The following MGA variants were observed in gnomAD, a reference collection of about 807,000 sequenced individuals.
The protein encoded by MGA is MAX dimerization protein MGA, also known as MAX gene-associated protein.
In MGA, 40 loss-of-function variants were observed where a neutral mutation model predicts 261.1. The observed-to-expected ratio is 0.15, with a 90% CI of 0.12 to 0.20. MGA has a LOEUF of 0.20. Ranked by LOEUF, MGA falls within the 10% of genes least tolerant of loss-of-function variation. MGA has a pLI of 1.00. For missense variants in MGA, 3,397 were observed against 3,630.5 expected, an observed-to-expected ratio of 0.94 and a Z score of 1.65; for synonymous variants, 1,302 against 1,290.6, an observed-to-expected ratio of 1.01 and a Z score of -0.19.
At chr15:41,659,952 G>A (rs2057297123), upstream of MGA, among the ~76,000 whole-genome samples, 1 of 152,242 alleles carries the variant, frequency 6.6e-6, no homozygotes, top group Admixed American at 6.5e-5. Context: ...CCAAGCCCCG[G>A]TACTCCGGGG....
At chr15:41,656,059 T>C (rs996291805), upstream of MGA, among the ~76,000 whole-genome samples, 38 of 152,192 alleles carry the variant, frequency 2.5e-4, no homozygotes, top group African/African-American at 9.2e-4. Context: ...GGAAGACATA[T>C]TAATACGTGG....
rs2063497205 is a variant in MGA at position 41,762,186 on chromosome 15, C to T, written c.7568C>T (p.Ala2523Val). The T allele has an allele frequency of 3.1e-6, 5 of 1,613,758 alleles. No individual in the cohort carries two copies. The highest frequency in any genetic ancestry group is 3.4e-6 in the Non-Finnish European group (4 of 1,179,830). Residue 2523 changes from alanine (A) to valine (V), a missense_variant, in exon 22 of 24, where the codon GCA (alanine) becomes GTA (valine). Ala to Val is a moderately conservative substitution (Grantham distance 64). Transcript: ENST00000219905. The stretch of plus-strand genomic sequence containing the variant: ...GAGTATATTTATGCAAAACAGCAAG[C>T]ACTAGAGGCACAAAAAAGAAAAAAG...
intron 1 of MGA, among the ~76,000 whole-genome samples, chr15:41,627,320 C>G (rs1329069442): frequency 6.6e-6 from 1 of 152,172 alleles, no homozygotes; most frequent in Non-Finnish European, 1.5e-5. Flanking sequence ...CAAGATAACA[C>G]AGTACTTTTT....
At chr15:41,663,823 C>CTAAA (rs1182299162) in intron 1 of MGA, among the ~76,000 whole-genome samples, 1 of 152,032 alleles carries the variant, frequency 6.6e-6, no homozygotes, top group Non-Finnish European at 1.5e-5. Flanking sequence ...CTTAAGTAGA[C>CTAAA]TTTAGAGTGG....
intron 2 of MGA, 59 bp downstream of exon 2, chr15:41,670,017 T>A: frequency 7.3e-7 from 1 of 1,365,974 alleles, no homozygotes; most frequent in Non-Finnish European, 1.0e-6. Flanking sequence ...GGCCAGGTGT[T>A]GGATTTAACA....
chr15:41,668,125 A>C (rs2412623), intron 1 of MGA, among the ~76,000 whole-genome samples: 105,303 of 149,328 alleles, frequency 0.71, 38,831 homozygotes, highest in East Asian at 0.88. Context: ...TAAATTTATC[A>C]CTTTTTTTTT....
At chr15:41,707,884 C>A in intron 6 of MGA, 25 bp downstream of exon 6, 1 of 1,591,360 alleles carries the variant, frequency 6.3e-7, no homozygotes, top group South Asian at 1.2e-5. Context: ...TTTGTAAAGT[C>A]AAACACTATT....
At chr15:41,732,530 A>T (rs540214674) in intron 11 of MGA, among the ~76,000 whole-genome samples, 4 of 152,310 alleles carry the variant, frequency 2.6e-5, no homozygotes, top group Admixed American at 2.0e-4. Context: ...CTAGATGGTT[A>T]TATCCTCTGC....
intron 2 of MGA, among the ~76,000 whole-genome samples, chr15:41,675,193 CT>C (rs2151022557): frequency 6.6e-6 from 1 of 152,314 alleles, no homozygotes; most frequent in South Asian, 2.1e-4. Flanking sequence ...AGTAGGCATA[CT>C]TTTAGTAGAC....
chr15:41,751,716 C>T (rs951377627), intron 17 of MGA: 1 of 151,876 alleles, frequency 6.6e-6, no homozygotes, highest in Admixed American at 6.6e-5. Flanking sequence ...AAGAACAAAA[C>T]TCTGTCTCGG....
Position 41,669,724 on chromosome 15 carries a change from C to G in MGA, c.830C>G (p.Ser277Cys). The change falls in exon 2 of 24, where the codon TCT becomes TGT. Residue 277 changes from serine (S) to cysteine (C), a missense_variant. This residue lies in a region of MGA where 563 missense variants were observed against 563.6 expected (regional missense o/e 1.00). Transcript: ENST00000219905. Reference sequence around the variant, plus strand: ...AGAGATGGAAAACAAAAGAACAGCTCTGACCAAGAAGGGAATAATATTTCC... The same window carrying G: ...AGAGATGGAAAACAAAAGAACAGCTGTGACCAAGAAGGGAATAATATTTCC... 2 of 1,613,552 alleles carry G rather than the reference C, an allele frequency of 1.2e-6. No homozygotes were observed. The highest frequency in any genetic ancestry group is 1.7e-6 in the Non-Finnish European group (2 of 1,179,662).
chr15:41,734,624 G>C (rs1023948632), intron 12 of MGA, 30 bp downstream of exon 12: 1 of 1,482,696 alleles, frequency 6.7e-7, no homozygotes, highest in Non-Finnish European at 9.2e-7. Flanking sequence ...CTTAACATTT[G>C]ATAAAAATTA....
intron 9 of MGA, 68 bp downstream of exon 9, chr15:41,713,564 A>C: frequency 1.4e-6 from 2 of 1,436,772 alleles, no homozygotes; most frequent in South Asian, 2.9e-5. Flanking sequence ...ATTTTAGAAT[A>C]ATACAACCTA....
chr15:41,685,929 C>T (rs1442549351), intron 2 of MGA, among the ~76,000 whole-genome samples: 15 of 151,134 alleles, frequency 9.9e-5, no homozygotes, highest in African/African-American at 3.4e-4. Flanking sequence ...GGCGTGTACC[C>T]GGGAGGCGGA....
chr15:41,717,554 C>A (rs2060707431), intron 9 of MGA, among the ~76,000 whole-genome samples: 1 of 152,102 alleles, frequency 6.6e-6, no homozygotes, highest in Admixed American at 6.5e-5. Flanking sequence ...TTAAAAGACA[C>A]AAGCTACAAA....
intron 1 of MGA, among the ~76,000 whole-genome samples, chr15:41,643,560 G>A (rs2056871055): frequency 6.6e-6 from 1 of 151,742 alleles, no homozygotes; most frequent in Non-Finnish European, 1.5e-5. Context: ...TTTTTAAAGT[G>A]ATTTTTTTGT....
At position 41,766,860 on chromosome 15, in the gene MGA, T is replaced by C; in HGVS notation, c.8778T>C (p.Leu2926=). 6.2e-7 allele frequency: 1 copy of C among 1,613,996 alleles called. No individual in the cohort carries two copies. The highest frequency in any genetic ancestry group is 8.5e-7 in the Non-Finnish European group (1 of 1,179,902). Reference sequence around the variant, plus strand: ...AACCAGCCTCTGAGCCAGATGTCCTTAAGATTGTTATTGACTCTGAAATAA... The same window carrying C: ...AACCAGCCTCTGAGCCAGATGTCCTCAAGATTGTTATTGACTCTGAAATAA... The change falls in exon 24 of 24, where the codon CTT becomes CTC. Residue 2926 remains leucine, a synonymous_variant. Transcript: ENST00000219905.
chr15:41,761,948 C>A, intron 21 of MGA, 98 bp downstream of exon 21: 1 of 1,089,792 alleles, frequency 9.2e-7, no homozygotes, highest in Non-Finnish European at 1.3e-6. Context: ...GAAAGCTTGG[C>A]TCCCACAGTT....
At chr15:41,623,062 A>G (rs1436045418) in intron 1 of MGA, among the ~76,000 whole-genome samples, 1 of 152,224 alleles carries the variant, frequency 6.6e-6, no homozygotes, top group Admixed American at 6.5e-5. Flanking sequence ...CAAACCTACG[A>G]GGTAAGTACT....
Sources: allele counts gnomAD v4.1 joint callset (sites outside exome capture counted in the v4.1 genomes callset), GRCh38; gene constraint gnomAD v4.1.1; regional missense constraint gnomAD v4.1.1; transcripts MANE v1.5; gene names NCBI Gene and HGNC (gene_info 2026-07-23, HGNC 2026-07-21).